The following TAOK3 variants were observed in gnomAD, a reference collection of about 807,000 sequenced individuals.
TAOK3 encodes TAO kinase 3.
TAOK3 carries 40 observed loss-of-function variants against 120.4 expected under a neutral mutation model. That is an observed-to-expected ratio of 0.33 (90% CI 0.26 to 0.43). The LOEUF (loss-of-function observed/expected upper bound fraction) is 0.43, where lower values mean the gene tolerates loss of function less well. TAOK3 is among the 20% of genes least tolerant of loss of function. The pLI, the probability that TAOK3 is intolerant of heterozygous loss-of-function variation, is 1.00. For missense variants in TAOK3, 821 were observed against 1,112.1 expected (o/e 0.74, Z 3.72); for synonymous variants, 355 against 387.5 (o/e 0.92, Z 0.99).
intron 3 of TAOK3, among the ~76,000 whole-genome samples, chr12:118,247,490 C>T (rs7973455): frequency 0.11 from 17,167 of 149,324 alleles, 1,046 homozygotes; most frequent in Middle Eastern, 0.14. Context: ...TATATATATA[C>T]ACACACACAC....
intron 1 of TAOK3, among the ~76,000 whole-genome samples, chr12:118,289,019 G>A (rs1316762907): frequency 6.6e-6 from 1 of 151,454 alleles, no homozygotes; most frequent in Non-Finnish European, 1.5e-5. Flanking sequence ...TCAAAATTCG[G>A]CTGGGCATGG....
chr12:118,295,922 G>A (rs925015401), intron 1 of TAOK3, among the ~76,000 whole-genome samples: 10 of 152,164 alleles, frequency 6.6e-5, no homozygotes, highest in African/African-American at 1.9e-4. Context: ...TAGGAAGAAT[G>A]GGCAAGATAT....
chr12:118,212,968 A>C lies in TAOK3; in HGVS notation c.765T>G (p.Asp255Glu). 2 of 1,612,944 alleles carry C rather than the reference A, an allele frequency of 1.2e-6. No homozygotes were observed. The highest frequency in any genetic ancestry group is 1.7e-6 in the Non-Finnish European group (2 of 1,179,628). ...EWTDSFRRFV[D>E]YCLQKIPQER... is the part of the protein sequence containing the mutation. ...CCTGAGGTATTTTCTGCAAGCAGTA[A>C]TCAACAAATCTCCTAAAGGAGTCTG... The change falls in exon 11 of 21, where the codon GAT becomes GAG. Residue 255 changes from aspartate (D) to glutamate (E), a missense_variant. Asp to Glu is a conservative substitution (Grantham distance 45, BLOSUM62 2). Coordinates refer to ENST00000392533, the MANE Select transcript of TAOK3 (RefSeq NM_016281.4).
intron 11 of TAOK3, among the ~76,000 whole-genome samples, chr12:118,203,715 AAAAAAG>A (rs2038148740): frequency 6.6e-6 from 1 of 151,826 alleles, no homozygotes; most frequent in Non-Finnish European, 1.5e-5. Flanking sequence ...AAAAAAAAAA[AAAAAAG>A]AGTGAGGAGT....
chr12:118,247,452 T>G (rs2040564402), intron 3 of TAOK3, among the ~76,000 whole-genome samples: 5 of 151,914 alleles, frequency 3.3e-5, no homozygotes, highest in Admixed American at 3.3e-4. Context: ...AATAGTCTTT[T>G]CCTCTCAACT....
intron 5 of TAOK3, among the ~76,000 whole-genome samples, chr12:118,241,394 T>C (rs921291614): frequency 2.6e-5 from 4 of 152,188 alleles, no homozygotes; most frequent in Non-Finnish European, 5.9e-5. Flanking sequence ...ATTTTCTAAT[T>C]TTTAAAAGTA....
intron 17 of TAOK3, among the ~76,000 whole-genome samples, chr12:118,165,555 C>T (rs1004231481): frequency 2.0e-5 from 3 of 152,194 alleles, no homozygotes; most frequent in Non-Finnish European, 4.4e-5. Flanking sequence ...TAACAAGCTA[C>T]GCAGCTAATT....
At chr12:118,274,274 T>A (rs190343353) in intron 1 of TAOK3, among the ~76,000 whole-genome samples, 4 of 152,348 alleles carry the variant, frequency 2.6e-5, no homozygotes, top group African/African-American at 9.6e-5. Flanking sequence ...AGCTGCTTTT[T>A]ATGCCACTAT....
intron 1 of TAOK3, among the ~76,000 whole-genome samples, chr12:118,299,844 G>T: frequency 6.6e-6 from 1 of 151,696 alleles, no homozygotes; most frequent in Admixed American, 6.6e-5. Flanking sequence ...TTTAAACTTT[G>T]AGTGTTTATC....
chr12:118,360,493 G>A (rs1459080916), intron 1 of TAOK3, among the ~76,000 whole-genome samples: 2 of 149,720 alleles, frequency 1.3e-5, no homozygotes, highest in African/African-American at 4.9e-5. Context: ...GCGTGAACCA[G>A]GAAGGCGGAG....
At chr12:118,167,669 C>CT (rs74263402) in intron 17 of TAOK3, among the ~76,000 whole-genome samples, 4,825 of 139,740 alleles carry the variant, frequency 0.035, 232 homozygotes, top group East Asian at 0.23. Context: ...TTTATAGGCT[C>CT]TTTTTTTTTT....
chr12:118,257,431 T>C (rs1032049736), intron 2 of TAOK3, among the ~76,000 whole-genome samples: 2 of 152,298 alleles, frequency 1.3e-5, no homozygotes, highest in South Asian at 2.1e-4. Context: ...TTGATGTAGA[T>C]TCTTTTTTAT....
chr12:118,352,715 C>T (rs971794142), intron 1 of TAOK3, among the ~76,000 whole-genome samples: 2 of 151,774 alleles, frequency 1.3e-5, no homozygotes, highest in Admixed American at 1.3e-4. Context: ...CTGATCTTAT[C>T]TTATTTATTT....
In TAOK3 at chr12:118,339,275, C is replaced by CTTTTTT. The variant is rs72009582; in HGVS notation, c.-194+33367_-194+33372dup. Among the ~76,000 whole-genome samples the CTTTTTT allele has an allele frequency of 2.8e-3, 240 of 86,920 alleles. 24 individuals carry two copies. Among genetic ancestry groups the CTTTTTT allele is most frequent in the African/African-American group, 0.011 (228 of 20,132 alleles). 57.0% of individuals were successfully genotyped at this position (86,920 alleles called of 152,430 possible). A position where few individuals can be genotyped will look rare whatever the true frequency, so the allele number is the denominator to read the frequency against. On this transcript the variant is annotated intron_variant, in intron 1 of 20. Coordinates refer to ENST00000392533, the MANE Select transcript of TAOK3 (RefSeq NM_016281.4). ...TGAAAATTCTCCGTTCTTCATCATA[C>CTTTTTT]TTTTTTTTTTTTTTTTTTTTTTTTT... is the stretch of plus-strand genomic sequence containing the variant.
chr12:118,340,712 C>G (rs1263605938), intron 1 of TAOK3, among the ~76,000 whole-genome samples: 2 of 150,550 alleles, frequency 1.3e-5, no homozygotes, highest in Admixed American at 6.6e-5. Context: ...TATTTTGAAA[C>G]AAATCCTAAA....
chr12:118,173,916 T>C (rs117807945), intron 16 of TAOK3, among the ~76,000 whole-genome samples: 98 of 152,374 alleles, frequency 6.4e-4, no homozygotes, highest in Non-Finnish European at 1.2e-3. Context: ...AAGAAGTCTC[T>C]GTAAATCAAC....
intron 1 of TAOK3, among the ~76,000 whole-genome samples, chr12:118,345,341 A>G (rs531695342): frequency 3.3e-5 from 5 of 152,344 alleles, no homozygotes; most frequent in African/African-American, 1.2e-4. Flanking sequence ...GGACAAATTC[A>G]ACATTTCTCC....
intron 15 of TAOK3, among the ~76,000 whole-genome samples, chr12:118,178,943 A>T (rs2036520814): frequency 1.3e-5 from 2 of 152,094 alleles, no homozygotes; most frequent in South Asian, 4.1e-4. Context: ...ATAGAGGGGG[A>T]ATTATGCTTC....
intron 8 of TAOK3, among the ~76,000 whole-genome samples, chr12:118,234,110 T>C (rs769412516): frequency 9.3e-5 from 14 of 150,440 alleles, no homozygotes; most frequent in Non-Finnish European, 1.8e-4. Flanking sequence ...TGAATATACA[T>C]AAAGTACTTA....
Sources: gnomAD v4.1 joint callset for allele counts (sites outside exome capture counted in the v4.1 genomes callset) on GRCh38, gnomAD v4.1.1 for gene constraint, MANE v1.5 for transcripts, NCBI Gene and HGNC (gene_info 2026-07-23, HGNC 2026-07-21) for gene names.